CSPP1: variants seen among roughly 807,000 people sequenced by gnomAD.
CSPP1 encodes centrosome and spindle pole associated protein 1.
CSPP1 carries 126 observed loss-of-function variants against 164.4 expected under a neutral mutation model. That is an observed-to-expected ratio of 0.77 (90% CI 0.66 to 0.89). The LOEUF is 0.89. CSPP1 is among the 40% of genes least tolerant of loss of function. CSPP1 has a pLI of 0.00. For missense variants in CSPP1, 1,395 were observed against 1,449.8 expected (o/e 0.96, Z 0.61); for synonymous variants, 472 against 476.7 (o/e 0.99, Z 0.13).
chr8:67,140,299 G>A (rs1161227433), intron 17 of CSPP1, among the ~76,000 whole-genome samples: 1 of 152,070 alleles, frequency 6.6e-6, no homozygotes, highest in African/African-American at 2.4e-5. Flanking sequence ...TGGTCAGGCT[G>A]GTCTCAAACT....
In CSPP1 at chr8:67,149,870, C is replaced by T; in HGVS notation, c.2063C>T (p.Ser688Phe). 2 of 1,606,778 alleles carry T rather than the reference C, an allele frequency of 1.2e-6. No individual in the cohort carries two copies. Among genetic ancestry groups the T allele is most frequent in the African/African-American group, 1.3e-5 (1 of 74,502 alleles). ...RTYEDKRAVV[S>F]LDPNLATSNA... ...TATGAAGATAAAAGGGCTGTTGTAT[C>T]TCTAGACCCAAATTTAGCCACTTCA... is the stretch of plus-strand genomic sequence containing the variant. Residue 688 changes from serine to phenylalanine, a missense_variant, in exon 18 of 31, where the codon TCT becomes TTT. Transcript: ENST00000678616.
intron 1 of CSPP1, among the ~76,000 whole-genome samples, chr8:67,065,200 C>T (rs1252716384): frequency 6.6e-6 from 1 of 152,160 alleles, no homozygotes; most frequent in Non-Finnish European, 1.5e-5. Flanking sequence ...CGTATTTCCC[C>T]CCGTGATTGC....
chr8:67,107,397 G>C (rs1815800792), intron 9 of CSPP1, among the ~76,000 whole-genome samples: 1 of 152,188 alleles, frequency 6.6e-6, no homozygotes, highest in Non-Finnish European at 1.5e-5. Context: ...TTTCTGAGCT[G>C]AGAGCCTACT....
intron 28 of CSPP1, among the ~76,000 whole-genome samples, chr8:67,185,520 C>T (rs1328076009): frequency 1.3e-5 from 2 of 152,132 alleles, no homozygotes; most frequent in Non-Finnish European, 2.9e-5. Context: ...CCCTTGGGGG[C>T]TTTGAAATAA....
intron 25 of CSPP1, chr8:67,173,538 A>C (rs1052068954): frequency 3.3e-5 from 5 of 152,170 alleles, no homozygotes; most frequent in African/African-American, 1.2e-4. Context: ...TCTGTTTATT[A>C]TAGCAAATTT....
chr8:67,166,060 G>T (rs1445243175), intron 24 of CSPP1, among the ~76,000 whole-genome samples: 1 of 152,038 alleles, frequency 6.6e-6, no homozygotes. Flanking sequence ...TTCACAAATT[G>T]TTCCAACTTT....
rs147646349 is a variant in CSPP1, at chr8:67,119,762, CAG to C, written c.1697+944_1697+945del. On this transcript the variant is annotated intron_variant, in intron 15 of 30. Coordinates refer to ENST00000678616, the MANE Select transcript of CSPP1 (RefSeq NM_001382391.1). ...TGTTTGTTTTTTGTTGTTGAGTTTT[CAG>C]AGTCCTCCATATATCCTGGTTATTA... is the stretch of plus-strand genomic sequence containing the variant. Among the ~76,000 whole-genome samples, 474 of 152,120 alleles carry C rather than the reference CAG, an allele frequency of 3.1e-3. 3 individuals are homozygous for C. Among genetic ancestry groups the C allele is most frequent in the Non-Finnish European group, 5.3e-3 (362 of 67,936 alleles).
chr8:67,151,445 T>C (rs1398733264), intron 18 of CSPP1, among the ~76,000 whole-genome samples: 1 of 152,226 alleles, frequency 6.6e-6, no homozygotes, highest in Non-Finnish European at 1.5e-5. Flanking sequence ...TACAGAGTCT[T>C]TCTCTACCCT....
At position 67,149,704 on chromosome 8, in the gene CSPP1, C is replaced by A. The variant is rs62513088; in HGVS notation, c.1976-79C>A. On this transcript the variant is annotated intron_variant, in intron 17 of 30. Coordinates refer to ENST00000678616, the MANE Select transcript of CSPP1 (RefSeq NM_001382391.1). ...TCCTATTGTTTTTCTTTCTGACTTC[C>A]TATTTTAAGAAAATATATTTTGCAT... The A allele has an allele frequency of 1.3e-3, 1,359 of 1,022,294 alleles. 2 individuals carry two copies. The highest frequency in any genetic ancestry group is 1.6e-3 in the Non-Finnish European group (1,224 of 745,416). 63.3% of individuals were successfully genotyped at this position (1,022,294 alleles called of 1,614,324 possible). A position where few individuals can be genotyped will look rare whatever the true frequency, so the allele number is the denominator to read the frequency against.
intron 3 of CSPP1, among the ~76,000 whole-genome samples, chr8:67,080,623 G>C (rs1004241877): frequency 6.6e-6 from 1 of 152,206 alleles, no homozygotes; most frequent in East Asian, 1.9e-4. Context: ...CTGACCATCT[G>C]GCTATAAATT....
intron 17 of CSPP1, among the ~76,000 whole-genome samples, chr8:67,142,405 C>T (rs1051140444): frequency 4.6e-5 from 7 of 152,104 alleles, no homozygotes; most frequent in Non-Finnish European, 8.8e-5. Context: ...TCTGTGATCT[C>T]GTTTCTGGCA....
chr8:67,103,012 C>G, intron 7 of CSPP1, 25 bp from the exon 8 acceptor site: 1 of 1,413,300 alleles, frequency 7.1e-7, no homozygotes, highest in Non-Finnish European at 1.0e-6. Flanking sequence ...GTGGCACATG[C>G]TTTATAAGCT....
chr8:67,160,433 C>G (rs1248207994), intron 21 of CSPP1, among the ~76,000 whole-genome samples: 3 of 149,998 alleles, frequency 2.0e-5, no homozygotes, highest in African/African-American at 7.4e-5. Flanking sequence ...CTGTGGCACT[C>G]CAGCCTGGGT....
chr8:67,179,716 G>A (rs1300195101), intron 27 of CSPP1, 147 bp from the exon 28 acceptor site: 1 of 577,954 alleles, frequency 1.7e-6, no homozygotes, highest in African/African-American at 1.9e-5. Context: ...AGTATTTTCT[G>A]AGCATTGGAA....
Position 67,091,029 on chromosome 8 carries a change from AT to A in CSPP1, c.304-764del, listed in dbSNP as rs922942784. The stretch of plus-strand genomic sequence containing the variant: ...TTTTTACCAATTGGGGATCATGTGT[AT>A]TTTTTTTTTCCAGTTCTTTGTATTT... On this transcript the variant is annotated intron_variant, in intron 4 of 30. Coordinates refer to ENST00000678616, the MANE Select transcript of CSPP1 (RefSeq NM_001382391.1). Among the ~76,000 whole-genome samples, 443 of 150,280 alleles carry A rather than the reference AT, an allele frequency of 2.9e-3. 3 individuals carry two copies. Among genetic ancestry groups the A allele is most frequent in the African/African-American group, 9.9e-3 (405 of 41,008 alleles).
chr8:67,084,256 A>G (rs1277246251), intron 3 of CSPP1: 1 of 152,208 alleles, frequency 6.6e-6, no homozygotes, highest in Non-Finnish European at 1.5e-5. Flanking sequence ...GGTGTCCCTA[A>G]GGAATCCTCT....
intron 18 of CSPP1, among the ~76,000 whole-genome samples, chr8:67,150,594 G>A (rs1325472433): frequency 6.6e-6 from 1 of 152,026 alleles, no homozygotes; most frequent in Non-Finnish European, 1.5e-5. Flanking sequence ...AGTAGGTATG[G>A]GGTTTCACCA....
chr8:67,186,922 C>G (rs1205529016), intron 28 of CSPP1, among the ~76,000 whole-genome samples: 1 of 152,152 alleles, frequency 6.6e-6, no homozygotes, highest in East Asian at 1.9e-4. Flanking sequence ...CACAATACCA[C>G]TTACATTAGC....
At chr8:67,128,194 A>C (rs1820477712) in intron 15 of CSPP1, among the ~76,000 whole-genome samples, 1 of 152,216 alleles carries the variant, frequency 6.6e-6, no homozygotes, top group Non-Finnish European at 1.5e-5. Context: ...AGAATTGGGA[A>C]ATTGTTTTAT....
Sources: allele counts gnomAD v4.1 joint callset (sites outside exome capture counted in the v4.1 genomes callset), GRCh38; gene constraint gnomAD v4.1.1; transcripts MANE v1.5; gene names NCBI Gene and HGNC (gene_info 2026-07-23, HGNC 2026-07-21).